Variants in FADS3 observed in about 807,000 individuals in gnomAD.
The protein encoded by FADS3 is fatty acid desaturase 3.
FADS3 carries 30 observed loss-of-function variants against 60.4 expected under a neutral mutation model. That is an observed-to-expected ratio of 0.50 (90% CI 0.37 to 0.67). The LOEUF is 0.67. Ranked by LOEUF, FADS3 falls within the 30% of genes least tolerant of loss-of-function variation. The probability of loss-of-function intolerance (pLI) is 0.00; values close to 1 mark genes in which losing one functional copy is unlikely to be tolerated. For missense variants in FADS3, 432 were observed against 598.3 expected (o/e 0.72, Z 2.90); for synonymous variants, 234 against 249.3 (o/e 0.94, Z 0.58).
chr11:61,887,746 G>A (rs1488898119), intron 1 of FADS3, among the ~76,000 whole-genome samples: 1 of 152,250 alleles, frequency 6.6e-6, no homozygotes, highest in Non-Finnish European at 1.5e-5. Flanking sequence ...CAGAGAAGAT[G>A]CTCACTGATG....
At chr11:61,879,671 C>T (rs1386318820) in intron 2 of FADS3, among the ~76,000 whole-genome samples, 162 bp from the exon 3 acceptor site, 2 of 152,200 alleles carry the variant, frequency 1.3e-5, no homozygotes, top group Non-Finnish European at 2.9e-5. Context: ...GGAGCACTGG[C>T]TGGTGGTGAA....
In FADS3 at chr11:61,876,036, C is replaced by A. The variant is rs773586733; in HGVS notation, c.1161-60G>T. The A allele has an allele frequency of 1.6e-5, 26 of 1,610,972 alleles. No homozygotes were observed. The highest frequency in any genetic ancestry group is 2.0e-5 in the Non-Finnish European group (24 of 1,178,554). ...GGGAGATTCCAGAGAGAGGCCCCAC[C>A]CACGGGTCCCCTCCCAGGATCCCCT... On this transcript the variant is annotated intron_variant, in intron 10 of 11. Coordinates refer to ENST00000278829, the MANE Select transcript of FADS3 (RefSeq NM_021727.5). This position sits in a 1 kb window ranked among gnomAD's most constrained non-coding sequence, Gnocchi z 5.7.
intron 11 of FADS3, 78 bp downstream of exon 11, chr11:61,875,773 C>G: frequency 6.5e-7 from 1 of 1,547,906 alleles, no homozygotes; most frequent in Non-Finnish European, 8.8e-7. Context: ...GGGGGCTCAG[C>G]ATGAGGCTGA....
intron 2 of FADS3, 22 bp from the exon 3 acceptor site, chr11:61,879,531 T>G: frequency 1.3e-6 from 2 of 1,576,024 alleles, no homozygotes; most frequent in Non-Finnish European, 1.7e-6. Flanking sequence ...GAGGGGCCGA[T>G]CAGCCAAGGA....
In FADS3 at chr11:61,876,543, C is replaced by A; in HGVS notation, c.984-88G>T. 1 of 993,540 alleles carries A rather than the reference C, an allele frequency of 1.0e-6. No homozygotes were observed. The highest frequency in any genetic ancestry group is 1.3e-5 in the South Asian group (1 of 76,960). The allele number at this position is 993,540 out of a possible 1,614,324, so 61.5% of individuals were successfully genotyped here. On this transcript the variant is annotated intron_variant, in intron 8 of 11. Transcript: ENST00000278829. The surrounding 1 kb of genome is among the most constrained non-coding windows in gnomAD (Gnocchi z 5.7). Reference sequence around the variant, plus strand: ...CTGGAGAGCAGCTGTCCCCAAGTGGCCTTGACTTCCTTATCTGTACAATAG... The same window carrying A: ...CTGGAGAGCAGCTGTCCCCAAGTGGACTTGACTTCCTTATCTGTACAATAG...
intron 5 of FADS3, 99 bp downstream of exon 5, chr11:61,878,413 G>C (rs1412713727): frequency 1.0e-5 from 16 of 1,526,300 alleles, no homozygotes; most frequent in Non-Finnish European, 1.4e-5. Flanking sequence ...GTGGAGGCCA[G>C]ATCAGGGGCT....
chr11:61,876,872 G>A lies in FADS3; in HGVS notation c.977C>T (p.Ala326Val). 6.2e-7 allele frequency: 1 copy of A among 1,608,846 alleles called. No individual in the cohort carries two copies. Among genetic ancestry groups the A allele is most frequent in the Non-Finnish European group, 8.5e-7 (1 of 1,178,138 alleles). ...TCGCCACTCCCTGCCATACCTGACA[G>A]CAACAAAGAAGAGCAGCACCCCAGG... ...GVPGVLLFFV[A>V]VRVLESHWFV... is the part of the protein sequence containing the mutation. Residue 326 changes from alanine (A) to valine (V), a missense_variant, in exon 8 of 12, where the codon GCT becomes GTT. Coordinates refer to ENST00000278829, the MANE Select transcript of FADS3 (RefSeq NM_021727.5). The surrounding 1 kb of genome is among the most constrained non-coding windows in gnomAD (Gnocchi z 5.7).
intron 11 of FADS3, among the ~76,000 whole-genome samples, chr11:61,874,464 T>C (rs7119082): frequency 0.99 from 151,027 of 152,328 alleles, 74,884 homozygotes; most frequent in Middle Eastern, 1. Flanking sequence ...GCCTCTGTTC[T>C]CCACCTCCAA....
rs137993317 is a variant in FADS3 at position 61,875,946 on chromosome 11, G to A, written c.1191C>T (p.Tyr397=). ...ACTTGACCAGCGGGGCCACCCGGCT[G>A]TAGTTGTGTCTCGGCATCCTGGGGA... The part of the protein sequence containing the change: ...HLFPRMPRHN[Y]SRVAPLVKSL... The change falls in exon 11 of 12, where the codon TAC becomes TAT. Residue 397 remains tyrosine (Y), a synonymous_variant. Coordinates refer to ENST00000278829, the MANE Select transcript of FADS3 (RefSeq NM_021727.5). 19 of 1,613,676 alleles carry A rather than the reference G, an allele frequency of 1.2e-5. No individual in the cohort carries two copies. The highest frequency in any genetic ancestry group is 1.6e-4 in the Middle Eastern group (1 of 6,082).
intron 11 of FADS3, 41 bp downstream of exon 11, chr11:61,875,810 G>A: frequency 3.7e-6 from 6 of 1,600,274 alleles, no homozygotes; most frequent in Non-Finnish European, 5.1e-6. Context: ...CATAGGCCCT[G>A]GGGAAGCCAC....
At chr11:61,885,779 G>A (rs755080459) in intron 1 of FADS3, among the ~76,000 whole-genome samples, 3 of 152,102 alleles carry the variant, frequency 2.0e-5, no homozygotes, top group Non-Finnish European at 2.9e-5. Flanking sequence ...GTCTGTCCTC[G>A]CTGCCTTCTC....
chr11:61,885,420 G>C (rs1167187708), intron 1 of FADS3, among the ~76,000 whole-genome samples: 1 of 152,102 alleles, frequency 6.6e-6, no homozygotes, highest in African/African-American at 2.4e-5. Flanking sequence ...AAAGCACTTA[G>C]AAGGGGCCTG....
chr11:61,875,379 GTTTTTTT>G (rs58200660), intron 11 of FADS3, among the ~76,000 whole-genome samples: 17,946 of 128,486 alleles, frequency 0.14, 2,221 homozygotes, highest in East Asian at 0.34. Context: ...GCTAATTTTT[GTTTTTTT>G]TTTTTTTTTT....
chr11:61,887,679 T>C (rs189370753), intron 1 of FADS3, among the ~76,000 whole-genome samples: 290 of 152,316 alleles, frequency 1.9e-3, no homozygotes, highest in Non-Finnish European at 3.3e-3. Flanking sequence ...GTGAACTCAT[T>C]CCCTGTAGAA....
chr11:61,874,248 G>A lies in FADS3; in HGVS notation c.1287-383C>T, dbSNP rs1261606975. Among the ~76,000 whole-genome samples the A allele has an allele frequency of 4.6e-5, 7 of 152,342 alleles. No homozygotes were observed. In the East Asian group the frequency reaches 1.4e-3, roughly 29 times the overall value. On this transcript the variant is annotated intron_variant, in intron 11 of 11. Coordinates refer to ENST00000278829, the MANE Select transcript of FADS3 (RefSeq NM_021727.5). ...CCGATCTTGGGCCTGATATTGGTCA[G>A]TGGAGCCAGAAATGTCAACAATCTG... is the stretch of plus-strand genomic sequence containing the variant.
At chr11:61,875,379 G>GTTT (rs58200660) in intron 11 of FADS3, among the ~76,000 whole-genome samples, 1 of 128,514 alleles carries the variant, frequency 7.8e-6, no homozygotes, top group African/African-American at 2.8e-5. Context: ...GCTAATTTTT[G>GTTT]TTTTTTTTTT....
chr11:61,885,114 C>T (rs1938268418), intron 1 of FADS3, among the ~76,000 whole-genome samples: 1 of 152,200 alleles, frequency 6.6e-6, no homozygotes, highest in Non-Finnish European at 1.5e-5. Flanking sequence ...GATGTTCATG[C>T]TCTCTCAGGA....
At chr11:61,875,361 C>T (rs1161439206) in intron 11 of FADS3, among the ~76,000 whole-genome samples, 1 of 150,868 alleles carries the variant, frequency 6.6e-6, no homozygotes, top group African/African-American at 2.4e-5. Context: ...CACCTGCCAC[C>T]ACACCCAGCT....
intron 5 of FADS3, 64 bp downstream of exon 5, chr11:61,878,448 A>C: frequency 6.3e-7 from 1 of 1,583,484 alleles, no homozygotes. Context: ...GTGGGGACCC[A>C]GTGCATTAGC....
Sources: gnomAD v4.1 joint callset for allele counts (sites outside exome capture counted in the v4.1 genomes callset) on GRCh38, gnomAD v4.1.1 for gene constraint, Gnocchi (gnomAD v3.1) non-coding constraint, MANE v1.5 for transcripts, NCBI Gene and HGNC (gene_info 2026-07-23, HGNC 2026-07-21) for gene names.